Variants in ATRNL1 observed in about 807,000 individuals in gnomAD.
ATRNL1 encodes the protein attractin like 1.
A neutral mutation model predicts 182.7 loss-of-function variants in ATRNL1; 95 were observed. The observed-to-expected ratio is 0.52, with a 90% CI of 0.44 to 0.62. The LOEUF is 0.62. Among genes scored for constraint, ATRNL1 ranks in the 20% least tolerant of loss-of-function variants. The pLI, the probability that ATRNL1 is intolerant of heterozygous loss-of-function variation, is 0.00. For missense variants in ATRNL1, 1,471 were observed against 1,679.5 expected (o/e 0.88, Z 2.17); for synonymous variants, 576 against 568.3 (o/e 1.01, Z -0.19).
chr10:115,132,185 G>GTT (rs72400734), intron 5 of ATRNL1, among the ~76,000 whole-genome samples: 2 of 151,706 alleles, frequency 1.3e-5, no homozygotes, highest in African/African-American at 4.9e-5. Flanking sequence ...GCGGTGTTTG[G>GTT]TTTTTTGTCC....
intron 27 of ATRNL1, among the ~76,000 whole-genome samples, chr10:115,832,770 C>T (rs1555094153): frequency 6.6e-6 from 1 of 152,100 alleles, no homozygotes; most frequent in Non-Finnish European, 1.5e-5. Flanking sequence ...TTTTGCTGTC[C>T]TTGCTTGCTT....
At chr10:115,211,830 C>T (rs1849038439) in intron 8 of ATRNL1, among the ~76,000 whole-genome samples, 1 of 148,896 alleles carries the variant, frequency 6.7e-6, no homozygotes, top group Non-Finnish European at 1.5e-5. Context: ...TCTCATCGTT[C>T]AATTCCCACC....
chr10:115,643,518 A>C (rs1356826891), intron 26 of ATRNL1, among the ~76,000 whole-genome samples: 1 of 152,194 alleles, frequency 6.6e-6, no homozygotes, highest in Non-Finnish European at 1.5e-5. Flanking sequence ...AGCCACAGAC[A>C]GGGATAAAAA....
At chr10:115,205,894 A>G (rs558695758) in intron 8 of ATRNL1, among the ~76,000 whole-genome samples, 1 of 152,178 alleles carries the variant, frequency 6.6e-6, no homozygotes, top group South Asian at 2.1e-4. Flanking sequence ...AGTGTATTGC[A>G]TTTACCCAGA....
intron 26 of ATRNL1, among the ~76,000 whole-genome samples, chr10:115,720,446 T>C (rs1947387752): frequency 6.6e-6 from 1 of 151,404 alleles, no homozygotes; most frequent in Admixed American, 6.6e-5. Flanking sequence ...AAGTAAGGTA[T>C]ATTTTATTTA....
intron 27 of ATRNL1, among the ~76,000 whole-genome samples, chr10:115,731,314 A>G (rs1218541664): frequency 1.3e-5 from 2 of 152,156 alleles, no homozygotes; most frequent in African/African-American, 4.8e-5. Context: ...TATTATCTCC[A>G]TGTTTAAAAT....
At chr10:115,628,960 T>C (rs1383962960) in intron 26 of ATRNL1, among the ~76,000 whole-genome samples, 2 of 152,204 alleles carry the variant, frequency 1.3e-5, no homozygotes, top group African/African-American at 2.4e-5. Flanking sequence ...CAATTGGCTA[T>C]AGATGTATGA....
At chr10:115,618,014 A>G (rs1857528066) in intron 26 of ATRNL1, among the ~76,000 whole-genome samples, 1 of 152,128 alleles carries the variant, frequency 6.6e-6, no homozygotes, top group Non-Finnish European at 1.5e-5. Context: ...AAAAGTGTGT[A>G]GCACCTCCCC....
At chr10:115,617,952 G>A (rs915337000) in intron 26 of ATRNL1, among the ~76,000 whole-genome samples, 17 of 152,034 alleles carry the variant, frequency 1.1e-4, no homozygotes, top group African/African-American at 1.2e-4. Context: ...AGATTTCCTC[G>A]TTGCTCCCAT....
intron 9 of ATRNL1, among the ~76,000 whole-genome samples, chr10:115,220,785 C>A (rs986434518): frequency 2.6e-4 from 39 of 149,378 alleles, no homozygotes; most frequent in Non-Finnish European, 2.5e-4. Flanking sequence ...TTAGATTCTG[C>A]CTTCAAGCTT....
intron 26 of ATRNL1, among the ~76,000 whole-genome samples, chr10:115,580,564 T>A (rs1592887877): frequency 6.6e-6 from 1 of 152,148 alleles, no homozygotes; most frequent in African/African-American, 2.4e-5. Flanking sequence ...TGTTTCAGTG[T>A]GGAACTCTTT....
intron 18 of ATRNL1, among the ~76,000 whole-genome samples, chr10:115,322,983 T>C (rs75508114): frequency 6.6e-6 from 1 of 152,060 alleles, no homozygotes; most frequent in Non-Finnish European, 1.5e-5. Flanking sequence ...TTGTCCTATT[T>C]AGAGTTTTTT....
chr10:115,252,325 C>T (rs1016623311), intron 10 of ATRNL1, among the ~76,000 whole-genome samples: 5 of 152,110 alleles, frequency 3.3e-5, no homozygotes, highest in African/African-American at 4.8e-5. Flanking sequence ...CCGTGACCAG[C>T]GAAGGTCTTA....
intron 27 of ATRNL1, among the ~76,000 whole-genome samples, chr10:115,818,322 G>A (rs80103973): frequency 0.044 from 6,747 of 151,854 alleles, 435 homozygotes; most frequent in African/African-American, 0.14. Context: ...CACACTGCAA[G>A]CAAGTCTTGC....
chr10:115,617,930 G>A (rs73377506), intron 26 of ATRNL1, among the ~76,000 whole-genome samples: 6,780 of 152,236 alleles, frequency 0.045, 462 homozygotes, highest in African/African-American at 0.15. Context: ...GAAGGTTATT[G>A]GATCATAGGG....
intron 21 of ATRNL1, among the ~76,000 whole-genome samples, chr10:115,459,676 G>C (rs1177446761): frequency 6.6e-6 from 1 of 152,020 alleles, no homozygotes; most frequent in Admixed American, 6.6e-5. Context: ...CTGTGATCTC[G>C]CCCTGCCTCC....
intron 13 of ATRNL1, among the ~76,000 whole-genome samples, chr10:115,276,857 T>G (rs1852127925): frequency 6.6e-6 from 1 of 152,152 alleles, no homozygotes; most frequent in Admixed American, 6.5e-5. Context: ...GAAATATAAT[T>G]TCATTTTTTG....
chr10:115,831,596 C>G (rs1259751741), intron 27 of ATRNL1, among the ~76,000 whole-genome samples: 1 of 152,032 alleles, frequency 6.6e-6, no homozygotes, highest in Non-Finnish European at 1.5e-5. Context: ...TACCAAGAGC[C>G]CAGGAGTCAG....
chr10:115,705,426 A>G (rs1555052779), intron 26 of ATRNL1, among the ~76,000 whole-genome samples: 1 of 152,104 alleles, frequency 6.6e-6, no homozygotes, highest in African/African-American at 2.4e-5. Context: ...TTCTCAGACC[A>G]GTGATATTTC....
Sources: allele counts gnomAD v4.1 joint callset (sites outside exome capture counted in the v4.1 genomes callset), GRCh38; gene constraint gnomAD v4.1.1; transcripts MANE v1.5; gene names NCBI Gene and HGNC (gene_info 2026-07-23, HGNC 2026-07-21).